DNM2: variants seen among roughly 807,000 people sequenced by gnomAD.
DNM2 encodes the protein dynamin-2.
DNM2 carries 15 observed loss-of-function variants against 99.0 expected under a neutral mutation model. The ratio of observed to expected loss-of-function variants is 0.15; its 90% CI spans 0.10 to 0.23. DNM2 has a LOEUF of 0.23. DNM2 is among the 10% of genes least tolerant of loss of function. The pLI is 1.00. For synonymous variants in DNM2, 525 were observed against 481.2 expected (o/e 1.09, Z -1.19); for missense variants, 742 against 1,189.4 (o/e 0.62, Z 5.53).
At chr19:10,740,502 A>G (rs1350393984) in intron 1 of DNM2, among the ~76,000 whole-genome samples, 1 of 151,916 alleles carries the variant, frequency 6.6e-6, no homozygotes, top group Non-Finnish European at 1.5e-5. Context: ...CAGCCTCCTG[A>G]GTAGCTGGGA....
At position 10,805,898 on chromosome 19, in the gene DNM2, T is replaced by A. The variant is rs1165508486; in HGVS notation, c.1494-18T>A. 7 of 1,613,994 alleles carry A rather than the reference T, an allele frequency of 4.3e-6. No individual in the cohort carries two copies. In the Admixed American group the frequency reaches 8.3e-5, roughly 19 times the overall value. On this transcript the variant is annotated intron_variant, in intron 12 of 20. Transcript: ENST00000389253. Reference sequence around the variant, plus strand: ...CGGCATCTTGTCCACGTGAACCCTGTCTGTTCTTTGGTTTCAGTGCCCAGC... The same window carrying A: ...CGGCATCTTGTCCACGTGAACCCTGACTGTTCTTTGGTTTCAGTGCCCAGC...
Position 10,765,633 on chromosome 19 carries a change from A to G in DNM2, c.235+5822A>G, listed in dbSNP as rs956553313. ...TGCGTATTGCCTCGGATTAGAGAGA[A>G]CTCAAGGGCTAAATGGGCATGGGAA... On this transcript the variant is annotated intron_variant, in intron 2 of 20. Transcript: ENST00000389253. This position sits in a 1 kb window ranked among gnomAD's most constrained non-coding sequence, Gnocchi z 4.4. Among the ~76,000 whole-genome samples, 7 of 152,058 alleles carry G rather than the reference A, an allele frequency of 4.6e-5. No individual in the cohort carries two copies. The highest frequency in any genetic ancestry group is 1.7e-4 in the African/African-American group (7 of 41,402).
chr19:10,776,011 C>A, intron 4 of DNM2, 105 bp downstream of exon 4: 2 of 1,426,838 alleles, frequency 1.4e-6, no homozygotes, highest in Non-Finnish European at 1.9e-6. Flanking sequence ...AATCCATGGC[C>A]GCTGTAGGAA....
intron 1 of DNM2, among the ~76,000 whole-genome samples, chr19:10,749,069 G>T (rs1467790265): frequency 6.6e-6 from 1 of 152,188 alleles, no homozygotes; most frequent in Non-Finnish European, 1.5e-5. Context: ...CCCAGCCCAG[G>T]GTCCTGGCCA....
chr19:10,782,440 C>G (rs1440585408), intron 5 of DNM2, among the ~76,000 whole-genome samples: 3 of 151,518 alleles, frequency 2.0e-5, no homozygotes, highest in African/African-American at 7.3e-5. Flanking sequence ...CTCACTGCAA[C>G]CTCCGCCTGC....
In DNM2 at chr19:10,765,116, C is replaced by T. The variant is rs981956492; in HGVS notation, c.235+5305C>T. Among the ~76,000 whole-genome samples the T allele has an allele frequency of 7.2e-5, 11 of 152,096 alleles. No homozygotes were observed. Among genetic ancestry groups the T allele is most frequent in the African/African-American group, 2.4e-4 (10 of 41,428 alleles). Reference sequence around the variant, plus strand: ...GGGACTACAGGCGCCCGCCACCTCGCCCGGCTAATTTTTTTGTATGCTTAG... The same window carrying T: ...GGGACTACAGGCGCCCGCCACCTCGTCCGGCTAATTTTTTTGTATGCTTAG... On this transcript the variant is annotated intron_variant, in intron 2 of 20. Transcript: ENST00000389253. This position sits in a 1 kb window ranked among gnomAD's most constrained non-coding sequence, Gnocchi z 4.4.
rs536347382 is a variant in DNM2, at chr19:10,722,469, C to T, written c.161+4066C>T. Among the ~76,000 whole-genome samples the T allele has an allele frequency of 5.9e-5, 9 of 152,206 alleles. 1 individual carries two copies. Among genetic ancestry groups the T allele is most frequent in the South Asian group, 2.1e-4 (1 of 4,818 alleles). On this transcript the variant is annotated intron_variant, in intron 1 of 20. Coordinates refer to ENST00000389253, the MANE Select transcript of DNM2 (RefSeq NM_001005361.3). ...TAGGCATTCCCGCACCCTAGCCTCC[C>T]GAGTAGCTGGGACTGCAGGCACCCG...
At chr19:10,726,517 A>G (rs2069121175) in intron 1 of DNM2, among the ~76,000 whole-genome samples, 2 of 152,170 alleles carry the variant, frequency 1.3e-5, no homozygotes, top group East Asian at 1.9e-4. Flanking sequence ...TATCGACCAG[A>G]AGTTGTTCCT....
chr19:10,760,380 C>T (rs1445682769), intron 2 of DNM2, among the ~76,000 whole-genome samples: 2 of 152,054 alleles, frequency 1.3e-5, no homozygotes, highest in African/African-American at 4.8e-5. Context: ...CCCGATTTTG[C>T]TGAACGCTTT....
At position 10,798,463 on chromosome 19, in the gene DNM2, G is replaced by C. The variant is rs765698901; in HGVS notation, c.1336-23G>C. On this transcript the variant is annotated intron_variant, in intron 10 of 20. Transcript: ENST00000389253. ...CGTGCCACGAGGACCCCGCCAATGC[G>C]ACCACTCTGCTTGTTCCCCCAGCTC... 2.6e-5 allele frequency: 42 copies of C among 1,613,390 alleles called. 1 individual carries two copies. In the Admixed American group the frequency reaches 7.0e-4, roughly 27 times the overall value.
intron 11 of DNM2, 123 bp downstream of exon 11, chr19:10,798,695 G>A: frequency 9.9e-7 from 1 of 1,007,478 alleles, no homozygotes; most frequent in Non-Finnish European, 1.5e-6. Flanking sequence ...AAGATACAGA[G>A]CGGTTCCGTC....
At chr19:10,766,210 C>T (rs2070790672) in intron 2 of DNM2, among the ~76,000 whole-genome samples, 1 of 152,204 alleles carries the variant, frequency 6.6e-6, no homozygotes, top group South Asian at 2.1e-4. Context: ...CCAGCAGGAC[C>T]TGGGCATTTC....
intron 8 of DNM2, 149 bp downstream of exon 8, chr19:10,794,004 TC>T: frequency 7.9e-7 from 1 of 1,262,354 alleles, no homozygotes; most frequent in Non-Finnish European, 1.1e-6. Context: ...GGATGAGGTG[TC>T]CCCATGGGCT....
At chr19:10,751,359 A>G (rs928491691) in intron 1 of DNM2, among the ~76,000 whole-genome samples, 4 of 152,104 alleles carry the variant, frequency 2.6e-5, no homozygotes, top group Non-Finnish European at 1.5e-5. Context: ...AAGGGAGAGG[A>G]GAGGAGTAGG....
intron 7 of DNM2, among the ~76,000 whole-genome samples, chr19:10,790,504 G>A (rs1001822136): frequency 2.0e-5 from 3 of 151,788 alleles, no homozygotes; most frequent in South Asian, 2.1e-4. Flanking sequence ...ATAGAGTCTC[G>A]CTCTGTCACC....
chr19:10,737,076 A>G (rs1278497747), intron 1 of DNM2, among the ~76,000 whole-genome samples: 1 of 151,914 alleles, frequency 6.6e-6, no homozygotes, highest in Non-Finnish European at 1.5e-5. Flanking sequence ...TGAACCCAGG[A>G]ATTTGAGGCT....
At chr19:10,799,395 G>T (rs1355688462) in intron 11 of DNM2, among the ~76,000 whole-genome samples, 1 of 151,972 alleles carries the variant, frequency 6.6e-6, no homozygotes, top group African/African-American at 2.4e-5. Context: ...GCATTTGGGA[G>T]CCAAGCGTGT....
chr19:10,826,608 C>T (rs1290961680), intron 18 of DNM2, among the ~76,000 whole-genome samples: 1 of 152,086 alleles, frequency 6.6e-6, no homozygotes, highest in Non-Finnish European at 1.5e-5. Flanking sequence ...GCTTTGGGGC[C>T]GGAGCAGTGG....
chr19:10,719,131 G>A (rs2145642955), intron 1 of DNM2, among the ~76,000 whole-genome samples: 1 of 152,246 alleles, frequency 6.6e-6, no homozygotes, highest in East Asian at 1.9e-4. Context: ...GGCTAGCGCT[G>A]GCTCCTCTCT....
Sources: allele counts gnomAD v4.1 joint callset (sites outside exome capture counted in the v4.1 genomes callset), GRCh38; gene constraint gnomAD v4.1.1; non-coding constraint Gnocchi (gnomAD v3.1); transcripts MANE v1.5; gene names NCBI Gene and HGNC (gene_info 2026-07-23, HGNC 2026-07-21).